Variants in NCAM2 observed in about 807,000 individuals in gnomAD.
NCAM2 encodes neural cell adhesion molecule 2.
NCAM2 carries 30 observed loss-of-function variants against 98.1 expected under a neutral mutation model. The ratio of observed to expected loss-of-function variants is 0.31; its 90% CI spans 0.23 to 0.41. The LOEUF (loss-of-function observed/expected upper bound fraction) is 0.41, where lower values mean the gene tolerates loss of function less well. Among genes scored for constraint, NCAM2 ranks in the 10% least tolerant of loss-of-function variants. The probability of loss-of-function intolerance (pLI) is 1.00; values close to 1 mark genes in which losing one functional copy is unlikely to be tolerated. For missense variants in NCAM2, 867 were observed against 1,005.8 expected (o/e 0.86, Z 1.87); for synonymous variants, 368 against 342.4 (o/e 1.07, Z -0.83).
intron 1 of NCAM2, among the ~76,000 whole-genome samples, chr21:21,060,078 G>C (rs1269769769): frequency 6.6e-6 from 1 of 152,012 alleles, no homozygotes; most frequent in African/African-American, 2.4e-5. Flanking sequence ...ATAAGGTGAG[G>C]ATTGCGTTTG....
At chr21:21,265,164 ATATAT>A (rs2072171950) in intron 1 of NCAM2, among the ~76,000 whole-genome samples, 1 of 121,400 alleles carries the variant, frequency 8.2e-6, no homozygotes, top group Non-Finnish European at 1.7e-5. Context: ...ATATACTTAT[ATATAT>A]TATATATGTA....
chr21:21,414,621 C>T (rs939173603), intron 10 of NCAM2, among the ~76,000 whole-genome samples: 1 of 152,018 alleles, frequency 6.6e-6, no homozygotes, highest in Non-Finnish European at 1.5e-5. Context: ...AGGTGCCTGC[C>T]ACCACGCCCG....
At chr21:21,528,690 TA>T (rs1049282956) in intron 16 of NCAM2, among the ~76,000 whole-genome samples, 1 of 152,154 alleles carries the variant, frequency 6.6e-6, no homozygotes, top group Non-Finnish European at 1.5e-5. Context: ...AAAACATTAA[TA>T]AACAAGGTTT....
At chr21:21,526,924 A>T (rs1674714143) in intron 16 of NCAM2, among the ~76,000 whole-genome samples, 1 of 152,204 alleles carries the variant, frequency 6.6e-6, no homozygotes, top group African/African-American at 2.4e-5. Context: ...GTAATCCATA[A>T]GAAAAAATAT....
intron 1 of NCAM2, among the ~76,000 whole-genome samples, chr21:21,022,022 C>T (rs1405907199): frequency 6.6e-6 from 1 of 151,986 alleles, no homozygotes; most frequent in Admixed American, 6.6e-5. Flanking sequence ...AACAGTAACA[C>T]AAGAAATTTG....
chr21:21,295,833 G>GTT (rs869166174), intron 5 of NCAM2, among the ~76,000 whole-genome samples: 2 of 113,702 alleles, frequency 1.8e-5, no homozygotes, highest in African/African-American at 4.0e-5. Flanking sequence ...GCTTTTGTCT[G>GTT]TTTCTCTCTC....
At chr21:21,434,228 G>A (rs2077418497) in intron 12 of NCAM2, among the ~76,000 whole-genome samples, 1 of 152,174 alleles carries the variant, frequency 6.6e-6, no homozygotes, top group African/African-American at 2.4e-5. Context: ...GTCTATATAA[G>A]TACATACTTT....
chr21:21,410,799 G>A (rs2076841465), intron 10 of NCAM2, among the ~76,000 whole-genome samples: 1 of 150,898 alleles, frequency 6.6e-6, no homozygotes, highest in African/African-American at 2.4e-5. Flanking sequence ...ACAAGGTCAG[G>A]AGACTGAGAC....
At chr21:21,260,300 T>A (rs9976111) in intron 1 of NCAM2, among the ~76,000 whole-genome samples, 148,475 of 151,978 alleles carry the variant, frequency 0.98, 72,505 homozygotes, top group East Asian at 1. Flanking sequence ...CCAAAAAAAA[T>A]TCCTAATCTT....
intron 1 of NCAM2, among the ~76,000 whole-genome samples, chr21:21,274,082 C>G (rs1342621676): frequency 6.6e-6 from 1 of 151,546 alleles, no homozygotes; most frequent in African/African-American, 2.4e-5. Flanking sequence ...AGGAGAATCA[C>G]TTGAAGCCCG....
In NCAM2 at chr21:21,083,572, C is replaced by A. The variant is rs2065852211; in HGVS notation, c.55+84954C>A. Among the ~76,000 whole-genome samples, 3 of 152,004 alleles carry A rather than the reference C, an allele frequency of 2.0e-5. No homozygotes were observed. The South Asian group carries it at 6.2e-4, about 32-fold the overall frequency. On this transcript the variant is annotated intron_variant, in intron 1 of 17. Coordinates refer to ENST00000400546, the MANE Select transcript of NCAM2 (RefSeq NM_004540.5). ...GGGACTGCAGATGCATGTCACCACA[C>A]CCAACTAATCTTTCATATTTTTAGT...
rs966828688 is a variant in NCAM2, at chr21:21,538,400, A to C, written c.*443A>C. The C allele has an allele frequency of 2.0e-5, 3 of 152,722 alleles. No individual in the cohort carries two copies. Among genetic ancestry groups the C allele is most frequent in the Non-Finnish European group, 2.9e-5 (2 of 68,082 alleles). The allele number at this position is 152,722 out of a possible 1,614,324, so 9.5% of individuals were successfully genotyped here. A position where few individuals can be genotyped will look rare whatever the true frequency, so the allele number is the denominator to read the frequency against. On this transcript the variant is annotated 3_prime_UTR_variant, in exon 18 of 18. Coordinates refer to ENST00000400546, the MANE Select transcript of NCAM2 (RefSeq NM_004540.5). ...AAATAGATTCTTAAAGTGGCTTTCAACTTCAAGATGAAGGAGCTTAATAAT... is the reference window on the plus strand; with the variant it reads ...AAATAGATTCTTAAAGTGGCTTTCACCTTCAAGATGAAGGAGCTTAATAAT...
intron 1 of NCAM2, among the ~76,000 whole-genome samples, chr21:21,138,589 T>A (rs1187172027): frequency 3.9e-5 from 6 of 152,150 alleles, no homozygotes; most frequent in African/African-American, 1.4e-4. Flanking sequence ...TTTAACATTA[T>A]TGCCATCCTC....
intron 3 of NCAM2, among the ~76,000 whole-genome samples, chr21:21,285,441 C>T (rs2826765): frequency 0.22 from 32,595 of 151,528 alleles, 3,536 homozygotes; most frequent in African/African-American, 0.24. Context: ...TCTGAGCTTC[C>T]GAAGAAATGA....
chr21:21,483,414 G>T (rs146349105), intron 15 of NCAM2, among the ~76,000 whole-genome samples: 2 of 151,914 alleles, frequency 1.3e-5, no homozygotes, highest in East Asian at 3.9e-4. Context: ...AAATATTTCA[G>T]TTACTTTGTA....
At chr21:21,358,200 G>A (rs1051602451) in intron 8 of NCAM2, among the ~76,000 whole-genome samples, 1 of 152,050 alleles carries the variant, frequency 6.6e-6, no homozygotes, top group Non-Finnish European at 1.5e-5. Flanking sequence ...ATTCTGTCTT[G>A]TTTAGGATTT....
At chr21:21,163,460 C>T (rs2067853686) in intron 1 of NCAM2, among the ~76,000 whole-genome samples, 1 of 152,122 alleles carries the variant, frequency 6.6e-6, no homozygotes, top group Non-Finnish European at 1.5e-5. Context: ...CTCTTGAAAA[C>T]ATTTTCGTTT....
chr21:21,019,044 A>C (rs946714342), intron 1 of NCAM2, among the ~76,000 whole-genome samples: 3 of 152,234 alleles, frequency 2.0e-5, no homozygotes, highest in Non-Finnish European at 4.4e-5. Context: ...AGCACATGGC[A>C]GTTCCAGGCA....
At chr21:21,016,654 T>G (rs2064315671) in intron 1 of NCAM2, among the ~76,000 whole-genome samples, 1 of 152,190 alleles carries the variant, frequency 6.6e-6, no homozygotes, top group Non-Finnish European at 1.5e-5. Context: ...ACTTGCTTTG[T>G]GAACAGGCTA....
Sources: gnomAD v4.1 joint callset for allele counts (sites outside exome capture counted in the v4.1 genomes callset) on GRCh38, gnomAD v4.1.1 for gene constraint, MANE v1.5 for transcripts, NCBI Gene and HGNC (gene_info 2026-07-23, HGNC 2026-07-21) for gene names.